Variants in PTPRG observed in about 807,000 individuals in gnomAD.
PTPRG encodes receptor-type tyrosine-protein phosphatase gamma.
PTPRG carries 102 observed loss-of-function variants against 165.3 expected under a neutral mutation model. The observed-to-expected ratio is 0.62, with a 90% CI of 0.53 to 0.73. The LOEUF (loss-of-function observed/expected upper bound fraction) is 0.73, where lower values mean the gene tolerates loss of function less well. Ranked by LOEUF, PTPRG falls within the 30% of genes least tolerant of loss-of-function variation. PTPRG has a pLI of 0.00. For synonymous variants in PTPRG, 675 were observed against 669.5 expected (o/e 1.01, Z -0.13); for missense variants, 1,866 against 1,861.4 (o/e 1.00, Z -0.05).
At chr3:62,180,838 G>C (rs1456027652) in intron 8 of PTPRG, among the ~76,000 whole-genome samples, 2 of 152,186 alleles carry the variant, frequency 1.3e-5, no homozygotes, top group African/African-American at 4.8e-5. Context: ...GTCAGGGAGA[G>C]CATAATGTGG....
At chr3:61,793,051 T>A (rs1377967131) in intron 2 of PTPRG, among the ~76,000 whole-genome samples, 1 of 152,098 alleles carries the variant, frequency 6.6e-6, no homozygotes, top group African/African-American at 2.4e-5. Flanking sequence ...ACAAGAAATA[T>A]AAGATAGGAA....
At chr3:62,194,243 C>G (rs1288296489) in intron 9 of PTPRG, among the ~76,000 whole-genome samples, 1 of 152,182 alleles carries the variant, frequency 6.6e-6, no homozygotes, top group Non-Finnish European at 1.5e-5. Flanking sequence ...GCCAACACCC[C>G]TATGTTAGCC....
chr3:62,010,947 G>T (rs2041407021), intron 4 of PTPRG, among the ~76,000 whole-genome samples: 1 of 152,164 alleles, frequency 6.6e-6, no homozygotes, highest in African/African-American at 2.4e-5. Context: ...TAGGCACGTG[G>T]ACACCAGAGA....
At chr3:62,010,818 C>T (rs1575883819) in intron 4 of PTPRG, among the ~76,000 whole-genome samples, 1 of 151,834 alleles carries the variant, frequency 6.6e-6, no homozygotes, top group South Asian at 2.1e-4. Flanking sequence ...TCCAGTATAA[C>T]AGTTTTTCCC....
chr3:61,920,099 C>G (rs2039040937), intron 2 of PTPRG, among the ~76,000 whole-genome samples: 2 of 152,192 alleles, frequency 1.3e-5, no homozygotes, highest in Admixed American at 1.3e-4. Context: ...AGGTGTTTTT[C>G]TCCATAGGGA....
At chr3:62,066,587 C>G (rs1701020249) in intron 4 of PTPRG, among the ~76,000 whole-genome samples, 2 of 152,184 alleles carry the variant, frequency 1.3e-5, no homozygotes, top group South Asian at 4.1e-4. Flanking sequence ...GGGCCCCTCC[C>G]CCTCCACTGT....
chr3:62,095,149 T>G (rs1702067437), intron 5 of PTPRG, among the ~76,000 whole-genome samples: 1 of 152,154 alleles, frequency 6.6e-6, no homozygotes, highest in African/African-American at 2.4e-5. Context: ...ATTTAAAAAT[T>G]CTTGGGTCAT....
At chr3:61,680,155 A>G (rs1703380967) in intron 1 of PTPRG, among the ~76,000 whole-genome samples, 1 of 152,172 alleles carries the variant, frequency 6.6e-6, no homozygotes, top group Admixed American at 6.5e-5. Flanking sequence ...GGGCAACCCA[A>G]TAGGATGGCC....
intron 5 of PTPRG, among the ~76,000 whole-genome samples, chr3:62,080,712 T>C (rs1433864601): frequency 1.1e-4 from 16 of 152,188 alleles, no homozygotes; most frequent in Admixed American, 1.0e-3. Flanking sequence ...CACTTTCTAT[T>C]TTTTTCAGCT....
chr3:61,574,408 C>T (rs537081391), intron 1 of PTPRG, among the ~76,000 whole-genome samples: 128 of 152,314 alleles, frequency 8.4e-4, no homozygotes, highest in Non-Finnish European at 9.3e-4. Context: ...GCTAAGTTTT[C>T]TAGAACACAT....
At chr3:62,158,922 T>TA (rs968283485) in intron 7 of PTPRG, among the ~76,000 whole-genome samples, 4 of 151,828 alleles carry the variant, frequency 2.6e-5, no homozygotes, top group Non-Finnish European at 4.4e-5. Context: ...ATTGTTTCAT[T>TA]AAAAAAAATA....
chr3:61,588,314 C>T (rs1411190127), intron 1 of PTPRG, among the ~76,000 whole-genome samples: 1 of 152,110 alleles, frequency 6.6e-6, no homozygotes, highest in Non-Finnish European at 1.5e-5. Flanking sequence ...TCCTAAATTA[C>T]AGTTGTACTC....
chr3:61,575,802 G>A (rs770203585), intron 1 of PTPRG, among the ~76,000 whole-genome samples: 17 of 152,006 alleles, frequency 1.1e-4, no homozygotes, highest in Non-Finnish European at 2.4e-4. Flanking sequence ...GTTTCACCAT[G>A]TTGGCACCAT....
rs374276653 is a variant in PTPRG, at chr3:62,019,000, G to C, written c.519+15503G>C. Among the ~76,000 whole-genome samples the C allele has an allele frequency of 1.1e-4, 17 of 152,254 alleles. No individual in the cohort carries two copies. The South Asian group carries it at 1.7e-3, about 15-fold the overall frequency. ...TCCTCTTAGAAGAAGGAATCAACTT[G>C]GTCTTTGGGGTCCCAGAATGAAACC... On this transcript the variant is annotated intron_variant, in intron 4 of 29. Coordinates refer to ENST00000474889, the MANE Select transcript of PTPRG (RefSeq NM_002841.4).
At chr3:61,968,348 C>A (rs562122322) in intron 2 of PTPRG, among the ~76,000 whole-genome samples, 1 of 152,168 alleles carries the variant, frequency 6.6e-6, no homozygotes, top group East Asian at 1.9e-4. Flanking sequence ...TATAGACTTG[C>A]ATTGTTGGAC....
At chr3:61,647,369 C>A (rs1298522518) in intron 1 of PTPRG, among the ~76,000 whole-genome samples, 6 of 152,162 alleles carry the variant, frequency 3.9e-5, no homozygotes, top group African/African-American at 1.4e-4. Context: ...CTAATTTAAG[C>A]CTCATAACAA....
intron 6 of PTPRG, among the ~76,000 whole-genome samples, chr3:62,134,395 A>G (rs1195783765): frequency 5.9e-5 from 9 of 152,218 alleles, no homozygotes; most frequent in Non-Finnish European, 1.2e-4. Flanking sequence ...TCATGGACCT[A>G]GAAGGGAAGT....
At chr3:62,161,174 A>G (rs1213617581) in intron 7 of PTPRG, among the ~76,000 whole-genome samples, 1 of 152,164 alleles carries the variant, frequency 6.6e-6, no homozygotes, top group Non-Finnish European at 1.5e-5. Flanking sequence ...TTAGACTAGA[A>G]TATGTATAAA....
In PTPRG at chr3:62,277,063, T is replaced by A. The variant is rs530252034; in HGVS notation, c.3636+15T>A. 1.3e-5 allele frequency: 21 copies of A among 1,600,220 alleles called. No individual in the cohort carries two copies. The South Asian group carries it at 1.8e-4, about 13-fold the overall frequency. On this transcript the variant is annotated intron_variant, in intron 25 of 29. Coordinates refer to ENST00000474889, the MANE Select transcript of PTPRG (RefSeq NM_002841.4). ...CTTATATCATGGTGAGAGTCAACAG[T>A]TAATTATAAATAAAGTCAACTAAAC...
Sources: gnomAD v4.1 joint callset for allele counts (sites outside exome capture counted in the v4.1 genomes callset) on GRCh38, gnomAD v4.1.1 for gene constraint, MANE v1.5 for transcripts, NCBI Gene and HGNC (gene_info 2026-07-23, HGNC 2026-07-21) for gene names.